DUXB: variants seen among roughly 807,000 people sequenced by gnomAD.
The protein encoded by DUXB is double homeobox B, also known as double homeobox protein B.
DUXB carries 22 observed loss-of-function variants against 8.9 expected under a neutral mutation model. That is an observed-to-expected ratio of 2.46 (90% CI 1.76 to 3.52). DUXB has a LOEUF of 3.52. Among genes scored for constraint, DUXB ranks in the 30% most tolerant of loss-of-function variants. The probability of loss-of-function intolerance (pLI) is 0.00; values close to 1 mark genes in which losing one functional copy is unlikely to be tolerated. For synonymous variants in DUXB, 84 were observed against 37.6 expected (o/e 2.23, Z -4.52); for missense variants, 237 against 108.7 (o/e 2.18, Z -5.25).
chr16:75,700,401 T>A (rs900457662), intron 1 of DUXB, among the ~76,000 whole-genome samples: 4 of 151,912 alleles, frequency 2.6e-5, no homozygotes, highest in African/African-American at 7.3e-5. Context: ...GCCTGGCTAT[T>A]TTTTTTTCTT....
chr16:75,698,198 TC>T (rs1217962925), intron 2 of DUXB, among the ~76,000 whole-genome samples: 3 of 152,232 alleles, frequency 2.0e-5, no homozygotes, highest in Admixed American at 2.0e-4. Context: ...CTTGTCATTT[TC>T]ACCATGATTC....
rs1219530641 is a variant in DUXB at position 75,693,924 on chromosome 16, C to T, written c.*5G>A. 2.5e-6 allele frequency: 1 copy of T among 398,966 alleles called. No homozygotes were observed. Among genetic ancestry groups the T allele is most frequent in the Non-Finnish European group, 4.4e-6 (1 of 226,524 alleles). The allele number at this position is 398,966 out of a possible 1,614,324, so 24.7% of individuals were successfully genotyped here. The stretch of plus-strand genomic sequence containing the variant: ...GAGTGTGCCTACTGCTGCCACAAGT[C>T]TGTCTCAGTGTGTCCCTTTGAGAGG... On this transcript the variant is annotated 3_prime_UTR_variant, in exon 5 of 5. Coordinates refer to ENST00000633875, the MANE Select transcript of DUXB (RefSeq NM_001351307.2).
intron 2 of DUXB, among the ~76,000 whole-genome samples, chr16:75,697,422 T>A (rs1221757873): frequency 6.6e-6 from 1 of 152,204 alleles, no homozygotes; most frequent in Non-Finnish European, 1.5e-5. Flanking sequence ...CTAACACTTA[T>A]CAGTATTTCC....
chr16:75,699,159 G>C (rs1959197892), intron 2 of DUXB, among the ~76,000 whole-genome samples: 1 of 152,096 alleles, frequency 6.6e-6, no homozygotes, highest in Non-Finnish European at 1.5e-5. Context: ...GTATCTTTCT[G>C]ATAACTGGAG....
chr16:75,695,913 G>T, intron 4 of DUXB, 48 bp downstream of exon 4: 1 of 700,292 alleles, frequency 1.4e-6, no homozygotes, highest in South Asian at 1.5e-5. Context: ...CCTCCAGGGG[G>T]CAGTATCACA....
chr16:75,700,631 G>A (rs1019933698), intron 1 of DUXB, among the ~76,000 whole-genome samples: 18 of 151,782 alleles, frequency 1.2e-4, no homozygotes, highest in African/African-American at 3.4e-4. Flanking sequence ...CATTCTCCCC[G>A]GTCAGCCTCC....
intron 4 of DUXB, among the ~76,000 whole-genome samples, chr16:75,695,261 A>G (rs1366938201): frequency 2.6e-5 from 4 of 152,254 alleles, no homozygotes; most frequent in African/African-American, 9.6e-5. Flanking sequence ...TCTAACTGCA[A>G]CAATGGATCA....
chr16:75,697,407 T>C (rs770912666), intron 2 of DUXB, among the ~76,000 whole-genome samples: 15 of 152,118 alleles, frequency 9.9e-5, no homozygotes, highest in Non-Finnish European at 1.9e-4. Flanking sequence ...CAGTAAAGAG[T>C]TGGACTAACA....
At chr16:75,697,399 G>T (rs965398677) in intron 2 of DUXB, among the ~76,000 whole-genome samples, 3 of 152,312 alleles carry the variant, frequency 2.0e-5, no homozygotes, top group Non-Finnish European at 4.4e-5. Flanking sequence ...ATTAGCCACA[G>T]TAAAGAGTTG....
intron 2 of DUXB, among the ~76,000 whole-genome samples, chr16:75,699,385 A>G (rs909334583): frequency 5.9e-5 from 9 of 152,172 alleles, no homozygotes; most frequent in Non-Finnish European, 1.2e-4. Flanking sequence ...TATAGGACAT[A>G]ATTATCATGG....
rs1047577269 is a variant in DUXB at position 75,700,126 on chromosome 16, G to A, written c.69C>T (p.Asn23=). ...KEFWRNRIQY[N]QSQKDILQSW... is the part of the protein sequence containing the mutation. ...ATTGGAGGATATCCTTTTGACTCTG[G>A]TTATACTGAATTCTGTTTCTCCAGA... The change falls in exon 2 of 5, where the codon AAC becomes AAT. Residue 23 remains asparagine, a synonymous_variant. Transcript: ENST00000633875. The A allele has an allele frequency of 5.7e-6, 4 of 702,660 alleles. No individual in the cohort carries two copies. Among genetic ancestry groups the A allele is most frequent in the South Asian group, 1.5e-5 (1 of 67,522 alleles). 43.5% of individuals were successfully genotyped at this position (702,660 alleles called of 1,614,324 possible).
At position 75,701,450 on chromosome 16, in the gene DUXB, C is replaced by T. The variant is rs374412490; in HGVS notation, c.-32G>A. 4.8e-5 allele frequency: 19 copies of T among 398,600 alleles called. No homozygotes were observed. In the East Asian group the frequency reaches 5.3e-4, roughly 11 times the overall value. 24.7% of individuals were successfully genotyped at this position (398,600 alleles called of 1,614,324 possible). ...CAGAAGACCTGGACTCCACGGAGAT[C>T]AGCGAGTAACTGAGCAGCTCTCAAA... On this transcript the variant is annotated 5_prime_UTR_variant, in exon 1 of 5. Transcript: ENST00000633875.
At chr16:75,697,112 C>A (rs1013405092) in intron 2 of DUXB, among the ~76,000 whole-genome samples, 169 bp from the exon 3 acceptor site, 1 of 152,196 alleles carries the variant, frequency 6.6e-6, no homozygotes, top group Non-Finnish European at 1.5e-5. Flanking sequence ...GCATATGATT[C>A]AGGACCACAC....
Position 75,694,157 on chromosome 16 carries a change from A to T in DUXB, c.810T>A (p.Asp270Glu), listed in dbSNP as rs1412011204. The T allele has an allele frequency of 2.1e-6, 1 of 468,260 alleles. No individual in the cohort carries two copies. Among genetic ancestry groups the T allele is most frequent in the East Asian group, 3.3e-5 (1 of 30,134 alleles). The allele number at this position is 468,260 out of a possible 1,614,324, so 29.0% of individuals were successfully genotyped here. A position where few individuals can be genotyped will look rare whatever the true frequency, so the allele number is the denominator to read the frequency against. ...ATTGGAGCCAGAAGGGAGTCGGAGT[A>T]TCTAAGTCCTTTGTCAGAATTGGCA... Reference protein sequence around the residue: ...LTLPILTKDLDTPTPFWLQYQ... With the variant: ...LTLPILTKDLETPTPFWLQYQ... The change falls in exon 5 of 5, where the codon GAT becomes GAA. Residue 270 changes from aspartate to glutamate, a missense_variant. Coordinates refer to ENST00000633875, the MANE Select transcript of DUXB (RefSeq NM_001351307.2).
chr16:75,698,976 G>T (rs1157474977), intron 2 of DUXB, among the ~76,000 whole-genome samples: 1 of 152,124 alleles, frequency 6.6e-6, no homozygotes, highest in Non-Finnish European at 1.5e-5. Context: ...CTGAGTAGCT[G>T]GGACTGCAGG....
At chr16:75,699,903 T>A in intron 2 of DUXB, 112 bp downstream of exon 2, 1 of 516,980 alleles carries the variant, frequency 1.9e-6, no homozygotes, top group South Asian at 3.1e-5. Flanking sequence ...AAAACGTTTC[T>A]TAGCAAAATA....
intron 1 of DUXB, among the ~76,000 whole-genome samples, chr16:75,700,451 C>T (rs1051782933): frequency 2.0e-5 from 3 of 151,886 alleles, no homozygotes; most frequent in Non-Finnish European, 2.9e-5. Flanking sequence ...AGGCTGGCCT[C>T]GAACTCCTGG....
intron 3 of DUXB, 56 bp downstream of exon 3, chr16:75,696,782 T>C: frequency 7.4e-6 from 5 of 676,736 alleles, no homozygotes; most frequent in Non-Finnish European, 1.1e-5. Context: ...CTAAGAGATG[T>C]TGATGCAGAA....
At chr16:75,700,742 C>T (rs1567523486) in intron 1 of DUXB, among the ~76,000 whole-genome samples, 6 of 152,084 alleles carry the variant, frequency 3.9e-5, no homozygotes, top group East Asian at 3.9e-4. Context: ...CTCCTGACCT[C>T]GTGATCTGCC....
Sources: allele counts gnomAD v4.1 joint callset (sites outside exome capture counted in the v4.1 genomes callset), GRCh38; gene constraint gnomAD v4.1.1; transcripts MANE v1.5; gene names NCBI Gene and HGNC (gene_info 2026-07-23, HGNC 2026-07-21).